RBM47: variants seen among roughly 807,000 people sequenced by gnomAD.
RBM47 encodes RNA-binding protein 47.
RBM47 carries 21 observed loss-of-function variants against 47.1 expected under a neutral mutation model. That is an observed-to-expected ratio of 0.45 (90% CI 0.32 to 0.64). The LOEUF is 0.64. RBM47 is among the 30% of genes least tolerant of loss of function. The pLI is 0.05. For synonymous variants in RBM47, 375 were observed against 361.7 expected, an observed-to-expected ratio of 1.04 and a Z score of -0.42; for missense variants, 708 against 870.9, an observed-to-expected ratio of 0.81 and a Z score of 2.35.
At position 40,596,073 on chromosome 4, in the gene RBM47, G is replaced by A. The variant is rs117484727; in HGVS notation, c.-240+33323C>T. 1.8e-3 allele frequency among the ~76,000 whole-genome samples: 274 copies of A among 152,380 alleles called. 12 individuals carry two copies. In the East Asian group the frequency reaches 0.042, roughly 23 times the overall value. ...AAGGAAAGCTGCAAGGGAATGCAAT[G>A]TGCCTAATCAGAGACATGGGCAAAG... On this transcript the variant is annotated intron_variant, in intron 1 of 6. Transcript: ENST00000295971.
At chr4:40,576,388 TGAGCAACA>T (rs1181780167) in intron 1 of RBM47, among the ~76,000 whole-genome samples, 1 of 151,860 alleles carries the variant, frequency 6.6e-6, no homozygotes, top group African/African-American at 2.4e-5. Flanking sequence ...ACTCCTAGCC[TGAGCAACA>T]TAGCAACAGC....
chr4:40,617,639 A>G (rs1471614864), intron 1 of RBM47, among the ~76,000 whole-genome samples: 1 of 151,428 alleles, frequency 6.6e-6, no homozygotes, highest in Non-Finnish European at 1.5e-5. Flanking sequence ...TTCAGTGTTA[A>G]GTATAAATAT....
At chr4:40,518,469 C>T (rs1002160632) in intron 2 of RBM47, among the ~76,000 whole-genome samples, 1 of 152,142 alleles carries the variant, frequency 6.6e-6, no homozygotes, top group African/African-American at 2.4e-5. Flanking sequence ...AGCAACCACG[C>T]CCAGCTGCAA....
intron 3 of RBM47, among the ~76,000 whole-genome samples, chr4:40,439,483 G>C (rs933071876): frequency 2.0e-5 from 3 of 152,148 alleles, no homozygotes; most frequent in African/African-American, 4.8e-5. Flanking sequence ...GAAATGAAAT[G>C]TGCACATTGC....
At chr4:40,524,325 G>A (rs890532508) in intron 2 of RBM47, among the ~76,000 whole-genome samples, 1 of 152,198 alleles carries the variant, frequency 6.6e-6, no homozygotes, top group African/African-American at 2.4e-5. Flanking sequence ...ATTATTGGTG[G>A]AAAGCAAGAC....
At chr4:40,569,032 CAGACAGACAGACAGACAGAT>C (rs796336481) in intron 1 of RBM47, among the ~76,000 whole-genome samples, 48 of 143,278 alleles carry the variant, frequency 3.4e-4, no homozygotes, top group Admixed American at 1.6e-3. Flanking sequence ...GACAGACAGA[CAGACAGACAGACAGACAGAT>C]AGATAGATAG....
At chr4:40,585,661 C>T (rs1223643062) in intron 1 of RBM47, among the ~76,000 whole-genome samples, 2 of 152,124 alleles carry the variant, frequency 1.3e-5, no homozygotes, top group African/African-American at 2.4e-5. Flanking sequence ...AAAACCAAAG[C>T]GAACCCAAGC....
At chr4:40,436,245 C>CA (rs1712385193) in intron 5 of RBM47, among the ~76,000 whole-genome samples, 196 bp downstream of exon 5, 1 of 151,698 alleles carries the variant, frequency 6.6e-6, no homozygotes, top group Admixed American at 6.6e-5. Flanking sequence ...TGAACATAGT[C>CA]AAAGCTACAC....
intron 2 of RBM47, among the ~76,000 whole-genome samples, chr4:40,500,378 G>A (rs541409008): frequency 5.9e-5 from 9 of 152,248 alleles, no homozygotes; most frequent in East Asian, 1.9e-4. Context: ...TCGGGAGGCC[G>A]AGATGGGCGA....
At chr4:40,537,277 AT>A (rs35048399) in intron 2 of RBM47, among the ~76,000 whole-genome samples, 3 of 149,006 alleles carry the variant, frequency 2.0e-5, no homozygotes, top group Admixed American at 6.7e-5. Flanking sequence ...ATGCCCAGCT[AT>A]TTTTTTTTTC....
At chr4:40,443,058 C>T (rs1309831195) in intron 3 of RBM47, among the ~76,000 whole-genome samples, 1 of 152,100 alleles carries the variant, frequency 6.6e-6, no homozygotes, top group Non-Finnish European at 1.5e-5. Flanking sequence ...ATAAGCCAGA[C>T]ACAAAGGGAT....
intron 1 of RBM47, among the ~76,000 whole-genome samples, chr4:40,569,008 TAGATAGATAGACAGAC>T (rs771281174): frequency 6.9e-4 from 93 of 135,302 alleles, no homozygotes; most frequent in African/African-American, 1.9e-3. Flanking sequence ...GATAGATAGA[TAGATAGATAGACAGAC>T]AGACAGACAG....
At chr4:40,492,630 A>T (rs1011743598) in intron 2 of RBM47, among the ~76,000 whole-genome samples, 1 of 152,218 alleles carries the variant, frequency 6.6e-6, no homozygotes, top group Non-Finnish European at 1.5e-5. Flanking sequence ...ATGCAGAATT[A>T]TCTTACAGAG....
At position 40,451,375 on chromosome 4, in the gene RBM47, T is replaced by C. The variant is rs368319197; in HGVS notation, c.-31-12451A>G. Among the ~76,000 whole-genome samples, 19 of 152,268 alleles carry C rather than the reference T, an allele frequency of 1.2e-4. 2 individuals are homozygous for C. The South Asian group carries it at 2.9e-3, about 23-fold the overall frequency. On this transcript the variant is annotated intron_variant, in intron 3 of 6. Transcript: ENST00000295971. ...TGTTAAGAATGGTTCTGTTGTCTAA[T>C]TGACTTGTCATCACAGCAAACTTGA...
At chr4:40,490,770 C>T (rs1721766272) in intron 2 of RBM47, among the ~76,000 whole-genome samples, 1 of 151,846 alleles carries the variant, frequency 6.6e-6, no homozygotes. Context: ...GAAAAAAAAT[C>T]TAAATAAATG....
At chr4:40,441,264 A>G (rs533614623) in intron 3 of RBM47, among the ~76,000 whole-genome samples, 71 of 93,158 alleles carry the variant, frequency 7.6e-4, no homozygotes, top group African/African-American at 1.9e-3. Flanking sequence ...TTCTCCACAA[A>G]AAAAGGAACC....
chr4:40,478,009 C>CTTTTTTTTTTTTT (rs1194806938), intron 2 of RBM47, among the ~76,000 whole-genome samples: 2 of 86,412 alleles, frequency 2.3e-5, no homozygotes, highest in African/African-American at 9.7e-5. Flanking sequence ...GTGGCATGTT[C>CTTTTTTTTTTTTT]TTTTTTTTTT....
At chr4:40,497,092 T>G (rs945564364) in intron 2 of RBM47, among the ~76,000 whole-genome samples, 2 of 148,796 alleles carry the variant, frequency 1.3e-5, no homozygotes, top group Non-Finnish European at 3.0e-5. Flanking sequence ...AAAATGGAGC[T>G]GTTAAAGAAT....
At chr4:40,577,882 G>A (rs964852740) in intron 1 of RBM47, among the ~76,000 whole-genome samples, 22 of 152,120 alleles carry the variant, frequency 1.4e-4, no homozygotes, top group African/African-American at 4.8e-4. Flanking sequence ...GCGGTGGTGC[G>A]TGCGTGTAGT....
Sources: allele counts gnomAD v4.1 joint callset (sites outside exome capture counted in the v4.1 genomes callset), GRCh38; gene constraint gnomAD v4.1.1; transcripts MANE v1.5; gene names NCBI Gene and HGNC (gene_info 2026-07-23, HGNC 2026-07-21).